Variants in SEC14L2 observed in about 807,000 individuals in gnomAD.
SEC14L2 encodes SEC14 like lipid binding 2, also known as SEC14-like protein 2.
A neutral mutation model predicts 56.9 loss-of-function variants in SEC14L2; 50 were observed. The ratio of observed to expected loss-of-function variants is 0.88; its 90% CI spans 0.70 to 1.11. The LOEUF (loss-of-function observed/expected upper bound fraction) is 1.11. SEC14L2 is among the 50% of genes most tolerant of loss of function. SEC14L2 has a pLI of 0.00. For synonymous variants in SEC14L2, 179 were observed against 188.5 expected, an observed-to-expected ratio of 0.95 and a Z score of 0.41; for missense variants, 414 against 500.7, an observed-to-expected ratio of 0.83 and a Z score of 1.65.
Position 30,409,285 on chromosome 22 carries a change from G to A in SEC14L2, c.519+3G>A. 1 of 1,612,500 alleles carries A rather than the reference G, an allele frequency of 6.2e-7. No homozygotes were observed. Among genetic ancestry groups the A allele is most frequent in the South Asian group, 1.1e-5 (1 of 91,016 alleles). On this transcript the variant is annotated splice_donor_region_variant and intron_variant, in intron 6 of 11. Transcript: ENST00000615189. ...CTGCTGTGGAGGCCTATGGAGAGGT[G>A]AGGGGCAGGGGTGGGGAGGAAGGGG...
At chr22:30,409,528 G>A (rs779331252) in intron 7 of SEC14L2, 42 bp downstream of exon 7, 16 of 1,582,852 alleles carry the variant, frequency 1.0e-5, no homozygotes, top group Non-Finnish European at 1.3e-5. Context: ...ATGGAAAAGA[G>A]GGGTCAAAAA....
rs35117632 is a variant in SEC14L2 at position 30,414,417 on chromosome 22, G to C, written c.665-1342G>C. On this transcript the variant is annotated intron_variant, in intron 8 of 11. Coordinates refer to ENST00000615189, the MANE Select transcript of SEC14L2 (RefSeq NM_012429.5). The stretch of plus-strand genomic sequence containing the variant: ...GGAAGATACAGAATTTTCAACAGAG[G>C]GGGGAGATTCACTCGGGCTGGTCAC... Among the ~76,000 whole-genome samples, 1,480 of 152,180 alleles carry C rather than the reference G, an allele frequency of 9.7e-3. 10 individuals carry two copies. The highest frequency in any genetic ancestry group is 0.023 in the African/African-American group (958 of 41,504).
chr22:30,414,354 A>C (rs1428462689), intron 8 of SEC14L2, among the ~76,000 whole-genome samples: 2 of 152,130 alleles, frequency 1.3e-5, no homozygotes, highest in African/African-American at 4.8e-5. Flanking sequence ...TTCCCCTACC[A>C]CACCTAAAAC....
rs756245285 is a variant in SEC14L2, at chr22:30,424,869, C to T, written c.*2462C>T. 3 of 454,942 alleles carry T rather than the reference C, an allele frequency of 6.6e-6. No individual in the cohort carries two copies. The East Asian group carries it at 2.1e-4, about 32-fold the overall frequency. 28.2% of individuals were successfully genotyped at this position (454,942 alleles called of 1,614,324 possible). ...CCTGTTGTAATCACTAACCCCAACT[C>T]TGTCTCCCTTGCCCGATTCATTCAT... On this transcript the variant is annotated 3_prime_UTR_variant, in exon 12 of 12. Coordinates refer to ENST00000615189, the MANE Select transcript of SEC14L2 (RefSeq NM_012429.5).
In SEC14L2 at chr22:30,422,368, A is replaced by G. The variant is rs1383618631; in HGVS notation, c.1173A>G (p.Glu391=). Residue 391 remains glutamate (E), a synonymous_variant, in exon 12 of 12, where the codon GAA becomes GAG. Transcript: ENST00000615189. The stretch of plus-strand genomic sequence containing the variant: ...TCCTGCTTCCAGACAAAGCCTCAGA[A>G]GAGAAGATGAAACAGCTGGGGGCAG... The part of the protein sequence containing the change: ...VEVLLPDKAS[E]EKMKQLGAGT... 1 of 1,614,212 alleles carries G rather than the reference A, an allele frequency of 6.2e-7. No homozygotes were observed. The highest frequency in any genetic ancestry group is 8.5e-7 in the Non-Finnish European group (1 of 1,180,036).
Position 30,424,653 on chromosome 22 carries a change from C to A in SEC14L2, c.*2246C>A. The A allele has an allele frequency of 4.4e-6, 2 of 455,056 alleles. No individual in the cohort carries two copies. Among genetic ancestry groups the A allele is most frequent in the Non-Finnish European group, 8.8e-6 (2 of 226,502 alleles). The allele number at this position is 455,056 out of a possible 1,614,324, so 28.2% of individuals were successfully genotyped here. ...TAAGTGCTCGTCAATGTTGGCTACTCTCATTTTTTTTGCAGACGTGGGAAC... is the reference window on the plus strand; with the variant it reads ...TAAGTGCTCGTCAATGTTGGCTACTATCATTTTTTTTGCAGACGTGGGAAC... On this transcript the variant is annotated 3_prime_UTR_variant, in exon 12 of 12. Transcript: ENST00000615189.
chr22:30,425,042 C>G lies in SEC14L2; in HGVS notation c.*2635C>G, dbSNP rs1934631800. 1 of 345,504 alleles carries G rather than the reference C, an allele frequency of 2.9e-6. No homozygotes were observed. The highest frequency in any genetic ancestry group is 5.7e-6 in the Non-Finnish European group (1 of 174,638). 21.4% of individuals were successfully genotyped at this position (345,504 alleles called of 1,614,324 possible). On this transcript the variant is annotated 3_prime_UTR_variant, in exon 12 of 12. Transcript: ENST00000615189. ...CAGGCACCTACCTCCCAGGGGCTCA[C>G]CGTTCACTCCTCTAGCCTCATTTAG...
In SEC14L2 at chr22:30,420,140, A is replaced by G. The variant is rs532916170; in HGVS notation, c.1082-2137A>G. ...GGCTAATTTTGTATTTTTAGTAGAGATGGGGTTTCTCCGTGTTCGTTAGGC... is the reference window on the plus strand; with the variant it reads ...GGCTAATTTTGTATTTTTAGTAGAGGTGGGGTTTCTCCGTGTTCGTTAGGC... On this transcript the variant is annotated intron_variant, in intron 11 of 11. Coordinates refer to ENST00000615189, the MANE Select transcript of SEC14L2 (RefSeq NM_012429.5). Among the ~76,000 whole-genome samples the G allele has an allele frequency of 5.1e-3, 777 of 151,628 alleles. 3 individuals are homozygous for G. The highest frequency in any genetic ancestry group is 0.018 in the African/African-American group (731 of 41,306).
rs772950651 is a variant in SEC14L2, at chr22:30,410,676, G to C, written c.661G>C (p.Gly221Arg). 1.2e-6 allele frequency: 2 copies of C among 1,613,944 alleles called. No homozygotes were observed. The highest frequency in any genetic ancestry group is 1.7e-6 in the Non-Finnish European group (2 of 1,179,800). Residue 221 changes from glycine to arginine, a missense_variant, in exon 8 of 12, where the codon GGA becomes CGA. Coordinates refer to ENST00000615189, the MANE Select transcript of SEC14L2 (RefSeq NM_012429.5). ...EDTRKKIMVL[G>R]ANWKEVLLKH... ...CACTCGTAAGAAGATCATGGTCCTGGGAGGTAAGTGGTCCAGACTGTTCTC... is the reference window on the plus strand; with the variant it reads ...CACTCGTAAGAAGATCATGGTCCTGCGAGGTAAGTGGTCCAGACTGTTCTC...
chr22:30,411,459 G>C (rs1419945432), intron 8 of SEC14L2, among the ~76,000 whole-genome samples: 1 of 151,798 alleles, frequency 6.6e-6, no homozygotes, highest in African/African-American at 2.4e-5. Context: ...ATAAGACAGA[G>C]TCCTGGCTGG....
intron 1 of SEC14L2, chr22:30,397,936 C>T: frequency 2.1e-6 from 1 of 468,274 alleles, no homozygotes; most frequent in South Asian, 1.6e-5. Flanking sequence ...CGGGACCTTC[C>T]TCTTCACGAA....
rs1933786825 is a variant in SEC14L2, at chr22:30,397,458, C to A, written c.54+288C>A. The A allele has an allele frequency of 8.9e-6, 4 of 448,838 alleles. No individual in the cohort carries two copies. In the East Asian group the frequency reaches 1.6e-4, roughly 18 times the overall value. 27.8% of individuals were successfully genotyped at this position (448,838 alleles called of 1,614,324 possible). A position where few individuals can be genotyped will look rare whatever the true frequency, so the allele number is the denominator to read the frequency against. On this transcript the variant is annotated intron_variant, in intron 1 of 11. Coordinates refer to ENST00000615189, the MANE Select transcript of SEC14L2 (RefSeq NM_012429.5). Reference sequence around the variant, plus strand: ...GTGAGTCCCCGGAGGCCGCTGAGGGCACAAAGGCAACATTCATCCTCGGGA... The same window carrying A: ...GTGAGTCCCCGGAGGCCGCTGAGGGAACAAAGGCAACATTCATCCTCGGGA...
intron 11 of SEC14L2, among the ~76,000 whole-genome samples, chr22:30,419,526 G>C (rs1009279405): frequency 1.3e-5 from 2 of 152,214 alleles, no homozygotes; most frequent in African/African-American, 4.8e-5. Context: ...CTGGGTGACA[G>C]AGAGAGACTC....
chr22:30,418,170 G>T (rs1934434545), intron 11 of SEC14L2, among the ~76,000 whole-genome samples: 1 of 152,084 alleles, frequency 6.6e-6, no homozygotes, highest in South Asian at 2.1e-4. Flanking sequence ...CTCCTGCCTT[G>T]GCCTCCCAAA....
intron 8 of SEC14L2, 49 bp downstream of exon 8, chr22:30,410,728 A>C (rs1243836345): frequency 6.4e-7 from 1 of 1,556,106 alleles, no homozygotes; most frequent in Non-Finnish European, 8.9e-7. Flanking sequence ...CTGTAGCCTA[A>C]ATCGGGTCCA....
rs1159975851 is a variant in SEC14L2 at position 30,407,434 on chromosome 22, C to A, written c.254C>A (p.Ser85Ter). The change falls in exon 5 of 12, where the codon TCA becomes TAA. Residue 85 changes from serine to a stop codon, truncating the protein, a stop_gained. Coordinates refer to ENST00000615189, the MANE Select transcript of SEC14L2 (RefSeq NM_012429.5). LOFTEE classifies it high-confidence loss of function. ...QPPEVIQQYL[S>*]GGMCGYDLDG... ...GCCCAGGTGATCCAACAGTATCTGT[C>A]AGGGGGTATGTGTGGCTATGACCTG... 1.2e-6 allele frequency: 2 copies of A among 1,613,902 alleles called. No homozygotes were observed. The highest frequency in any genetic ancestry group is 1.7e-6 in the Non-Finnish European group (2 of 1,179,980).
At chr22:30,411,065 C>A (rs1452041128) in intron 8 of SEC14L2, among the ~76,000 whole-genome samples, 1 of 151,990 alleles carries the variant, frequency 6.6e-6, no homozygotes, top group Admixed American at 6.6e-5. Flanking sequence ...GAGCTCAAGA[C>A]CAGCCTGGGC....
At chr22:30,397,241 G>C in intron 1 of SEC14L2, 71 bp downstream of exon 1, 1 of 1,344,902 alleles carries the variant, frequency 7.4e-7, no homozygotes, top group Non-Finnish European at 1.0e-6. Flanking sequence ...AGCGAGAAGG[G>C]ACGGGGCTGG....
intron 2 of SEC14L2, among the ~76,000 whole-genome samples, chr22:30,401,661 G>T (rs930767077): frequency 2.1e-5 from 3 of 145,558 alleles, no homozygotes; most frequent in Non-Finnish European, 4.5e-5. Flanking sequence ...TTACAGGCAT[G>T]CGCCACCACG....
Sources: allele counts gnomAD v4.1 joint callset (sites outside exome capture counted in the v4.1 genomes callset), GRCh38; gene constraint gnomAD v4.1.1; transcripts MANE v1.5; gene names NCBI Gene and HGNC (gene_info 2026-07-23, HGNC 2026-07-21).